Variants in CECR2 observed in about 807,000 individuals in gnomAD.
CECR2 encodes CECR2 histone acetyl-lysine reader.
CECR2 carries 30 observed loss-of-function variants against 154.5 expected under a neutral mutation model. The ratio of observed to expected loss-of-function variants is 0.19; its 90% confidence interval spans 0.15 to 0.26. The LOEUF (loss-of-function observed/expected upper bound fraction) is 0.26. Ranked by LOEUF, CECR2 falls within the 10% of genes least tolerant of loss-of-function variation. The pLI is 1.00. For synonymous variants in CECR2, 725 were observed against 683.7 expected (o/e 1.06, Z -0.94); for missense variants, 1,743 against 1,829.3 (o/e 0.95, Z 0.86).
chr22:17,392,019 C>G (rs2063331177), intron 1 of CECR2, among the ~76,000 whole-genome samples: 2 of 152,186 alleles, frequency 1.3e-5, no homozygotes, highest in African/African-American at 4.8e-5. Context: ...CCAGGCTGGT[C>G]TCGAACTCTC....
chr22:17,457,147 C>T (rs2146718758), intron 1 of CECR2, among the ~76,000 whole-genome samples: 1 of 152,392 alleles, frequency 6.6e-6, no homozygotes, highest in East Asian at 1.9e-4. Context: ...CCTGTCTCAA[C>T]CTCCTGAGTA....
In CECR2 at chr22:17,548,515, C is replaced by G; in HGVS notation, c.3228C>G (p.Ser1076=). Residue 1076 remains serine (S), a synonymous_variant, in exon 17 of 19, where the codon TCC becomes TCG. Transcript: ENST00000262608. The part of the protein sequence containing the change: ...SEGKGLGSSG[S]EKLLCPRGRT... ...GGAAGGGCCTTGGTAGCAGTGGTTC[C>G]GAAAAGCTGCTCTGCCCCAGAGGCA... 2 of 1,613,712 alleles carry G rather than the reference C, an allele frequency of 1.2e-6. No individual in the cohort carries two copies. The highest frequency in any genetic ancestry group is 2.7e-5 in the African/African-American group (2 of 75,026).
Position 17,540,647 on chromosome 22 carries a change from GC to G in CECR2, c.1737del (p.Thr580HisfsTer46). ...QPMENGGKSL[P>X]PTRRAPSSGD... ...CCATGGAGAATGGAGGAAAGTCGTT[GC>G]CCCCCACACGCCGAGCGCCCTCTTC... is the stretch of plus-strand genomic sequence containing the variant. On this transcript the variant is annotated frameshift_variant, in exon 14 of 19. Coordinates refer to ENST00000262608, the MANE Select transcript of CECR2 (RefSeq NM_001290047.2). LOFTEE classifies it high-confidence loss of function. The G allele has an allele frequency of 6.2e-7, 1 of 1,613,874 alleles. No homozygotes were observed. Among genetic ancestry groups the G allele is most frequent in the Non-Finnish European group, 8.5e-7 (1 of 1,179,844 alleles).
In CECR2 at chr22:17,511,868, A is replaced by G; in HGVS notation, c.926A>G (p.His309Arg). 1 of 1,611,762 alleles carries G rather than the reference A, an allele frequency of 6.2e-7. No individual in the cohort carries two copies. The highest frequency in any genetic ancestry group is 8.5e-7 in the Non-Finnish European group (1 of 1,178,512). ...AELHPRWMSD[H>R]LSIKPVKQEE... is the part of the protein sequence containing the mutation. ...TTGCATCCTAGGTGGATGTCTGACC[A>G]CCTGTCCATCAAACCCGTCAAGCAA... The change falls in exon 8 of 19, where the codon CAC becomes CGC. Residue 309 changes from histidine to arginine, a missense_variant. This residue lies in a region of CECR2 where 292 missense variants were observed against 301.2 expected (regional missense o/e 0.97). Transcript: ENST00000262608.
intron 1 of CECR2, among the ~76,000 whole-genome samples, chr22:17,375,405 A>G (rs61361653): frequency 0.15 from 23,173 of 152,054 alleles, 2,755 homozygotes; most frequent in African/African-American, 0.32. Flanking sequence ...ATGAGCCACT[A>G]CACCCAGCCA....
At chr22:17,413,853 T>G (rs5747113) in intron 1 of CECR2, among the ~76,000 whole-genome samples, 1,989 of 149,578 alleles carry the variant, frequency 0.013, 25 homozygotes, top group Non-Finnish European at 0.02. Flanking sequence ...ATTTTTTTTT[T>G]TTTTTAGTAG....
At chr22:17,447,033 C>CTTTTTTTTTTTTTTTTTTTTTT (rs1555910503) in intron 1 of CECR2, among the ~76,000 whole-genome samples, 1 of 114,110 alleles carries the variant, frequency 8.8e-6, no homozygotes, top group African/African-American at 3.8e-5. Context: ...CGTTTACAAT[C>CTTTTTTTTTTTTTTTTTTTTTT]TTTTTTTTTT....
At chr22:17,385,740 C>G (rs1464199605) in intron 1 of CECR2, among the ~76,000 whole-genome samples, 2 of 152,020 alleles carry the variant, frequency 1.3e-5, no homozygotes, top group Admixed American at 6.6e-5. Context: ...AGGGTCGGCA[C>G]GAAATCTTCA....
intron 17 of CECR2, 61 bp from the exon 18 acceptor site, chr22:17,551,970 G>C (rs2056714697): frequency 3.9e-6 from 6 of 1,520,320 alleles, no homozygotes; most frequent in South Asian, 1.1e-5. Context: ...ACAGTGTCTT[G>C]TTTCTTCTGT....
intron 8 of CECR2, among the ~76,000 whole-genome samples, chr22:17,518,048 T>C (rs1396128940): frequency 1.3e-5 from 2 of 152,156 alleles, no homozygotes; most frequent in Non-Finnish European, 2.9e-5. Context: ...TGCCCTCATA[T>C]GCTTCTCCAT....
chr22:17,504,767 C>A, intron 6 of CECR2, 80 bp from the exon 7 acceptor site: 1 of 1,330,258 alleles, frequency 7.5e-7, no homozygotes, highest in Non-Finnish European at 1.1e-6. Context: ...TCATGACCCA[C>A]AGTAGAAACA....
intron 1 of CECR2, among the ~76,000 whole-genome samples, chr22:17,391,616 C>G (rs567933778): frequency 6.6e-6 from 1 of 152,136 alleles, no homozygotes; most frequent in South Asian, 2.1e-4. Context: ...ATTATTGTTA[C>G]ATTTTCTTTC....
intron 1 of CECR2, among the ~76,000 whole-genome samples, chr22:17,389,624 T>A (rs1225102659): frequency 6.6e-6 from 1 of 151,920 alleles, no homozygotes; most frequent in African/African-American, 2.4e-5. Context: ...GGATATTCTT[T>A]TTTATTTATT....
intron 1 of CECR2, among the ~76,000 whole-genome samples, chr22:17,450,225 T>TTTGTCAATTAAAAGTAA (rs2054746511): frequency 6.6e-6 from 1 of 152,178 alleles, no homozygotes; most frequent in African/African-American, 2.4e-5. Flanking sequence ...GGAAAAGTAA[T>TTTGTCAATTAAAAGTAA]TTGTTGTCAT....
chr22:17,491,447 T>C (rs1212842951), intron 2 of CECR2, among the ~76,000 whole-genome samples: 2 of 152,128 alleles, frequency 1.3e-5, no homozygotes, highest in African/African-American at 4.8e-5. Flanking sequence ...GTGGCTAAGG[T>C]TGAGAAACTT....
At chr22:17,474,897 T>G (rs983116718) in intron 1 of CECR2, among the ~76,000 whole-genome samples, 2 of 152,194 alleles carry the variant, frequency 1.3e-5, no homozygotes, top group African/African-American at 2.4e-5. Context: ...AACTCCTGGC[T>G]TTAAGCAATC....
intron 1 of CECR2, among the ~76,000 whole-genome samples, chr22:17,392,691 A>T (rs2146509470): frequency 6.6e-6 from 1 of 152,010 alleles, no homozygotes; most frequent in South Asian, 2.1e-4. Flanking sequence ...CAAAGAAAAA[A>T]AAAAACAGCT....
At position 17,539,064 on chromosome 22, in the gene CECR2, A is replaced by G. The variant is rs2056481212; in HGVS notation, c.1440A>G (p.Val480=). ...TATACTGTACCAAGGAGGAATTTGT[A>G]AATGACATGAAGACCATGTTCAGGA... ...GGLYCTKEEF[V]NDMKTMFRNC... The change falls in exon 13 of 19, where the codon GTA becomes GTG. Residue 480 remains valine, a synonymous_variant. Transcript: ENST00000262608. 6.2e-7 allele frequency: 1 copy of G among 1,613,902 alleles called. No homozygotes were observed. Among genetic ancestry groups the G allele is most frequent in the Non-Finnish European group, 8.5e-7 (1 of 1,179,806 alleles).
At chr22:17,469,172 C>T (rs1362111704) in intron 1 of CECR2, among the ~76,000 whole-genome samples, 1 of 151,946 alleles carries the variant, frequency 6.6e-6, no homozygotes, top group Non-Finnish European at 1.5e-5. Flanking sequence ...ATCTTATGGA[C>T]CTGTGATAGT....
Sources: gnomAD v4.1 joint callset for allele counts (sites outside exome capture counted in the v4.1 genomes callset) on GRCh38, gnomAD v4.1.1 for gene constraint, gnomAD v4.1.1 regional missense constraint, MANE v1.5 for transcripts, NCBI Gene and HGNC (gene_info 2026-07-23, HGNC 2026-07-21) for gene names.